SETBP1: variants seen among roughly 807,000 people sequenced by gnomAD.
SETBP1 encodes SET-binding protein.
In SETBP1, 9 loss-of-function variants were observed where a neutral mutation model predicts 101.0. That is an observed-to-expected ratio of 0.09 (90% CI 0.05 to 0.16). SETBP1 has a LOEUF of 0.16. Ranked by LOEUF, SETBP1 falls within the 10% of genes least tolerant of loss-of-function variation. SETBP1 has a pLI of 1.00. For missense variants in SETBP1, 1,858 were observed against 2,033.8 expected (o/e 0.91, Z 1.66); for synonymous variants, 818 against 788.5 (o/e 1.04, Z -0.63).
At chr18:44,884,904 C>T (rs780867210) in intron 3 of SETBP1, among the ~76,000 whole-genome samples, 29 of 151,994 alleles carry the variant, frequency 1.9e-4, no homozygotes, top group Admixed American at 5.9e-4. Flanking sequence ...TTACATATGT[C>T]TGATTACTAC....
intron 3 of SETBP1, among the ~76,000 whole-genome samples, chr18:44,910,197 C>T (rs758023449): frequency 1.3e-5 from 2 of 152,100 alleles, no homozygotes; most frequent in African/African-American, 4.8e-5. Flanking sequence ...AAAAACATGC[C>T]GACTCCCTCC....
chr18:44,864,863 A>C (rs573199852), intron 2 of SETBP1, among the ~76,000 whole-genome samples: 1 of 151,898 alleles, frequency 6.6e-6, no homozygotes, highest in African/African-American at 2.4e-5. Context: ...AACCCTAGAC[A>C]CAACAAGGCT....
chr18:44,787,580 C>T (rs370313258), intron 2 of SETBP1, among the ~76,000 whole-genome samples: 2 of 151,918 alleles, frequency 1.3e-5, no homozygotes, highest in Admixed American at 6.5e-5. Context: ...GTTGGCCGGG[C>T]GCGGTGGCTC....
rs140929221 is a variant in SETBP1, at chr18:44,751,749, G to A, written c.486+49917G>A. Among the ~76,000 whole-genome samples, 27 of 152,294 alleles carry A rather than the reference G, an allele frequency of 1.8e-4. No individual in the cohort carries two copies. The South Asian group carries it at 3.9e-3, about 22-fold the overall frequency. On this transcript the variant is annotated intron_variant, in intron 2 of 5. Transcript: ENST00000649279. ...CAATACATTTGGAAACCAGGCAGGC[G>A]TATTAGTCTTCTCAGGCTGCTATAA...
At chr18:44,998,008 A>T (rs1165481295) in intron 4 of SETBP1, among the ~76,000 whole-genome samples, 1 of 152,214 alleles carries the variant, frequency 6.6e-6, no homozygotes, top group Non-Finnish European at 1.5e-5. Flanking sequence ...CACATATTGT[A>T]ACTTGGATCA....
chr18:44,717,927 TGTGTGC>T (rs1235660712), intron 2 of SETBP1, among the ~76,000 whole-genome samples: 1 of 152,162 alleles, frequency 6.6e-6, no homozygotes, highest in Non-Finnish European at 1.5e-5. Context: ...TGTGTGTGTG[TGTGTGC>T]TTGTGTGTGC....
intron 2 of SETBP1, among the ~76,000 whole-genome samples, chr18:44,785,657 T>C (rs1037005836): frequency 6.6e-6 from 1 of 152,226 alleles, no homozygotes; most frequent in African/African-American, 2.4e-5. Context: ...TAATCTGTCA[T>C]TTTAAGACCA....
At chr18:44,812,227 C>G (rs1280845944) in intron 2 of SETBP1, among the ~76,000 whole-genome samples, 1 of 152,100 alleles carries the variant, frequency 6.6e-6, no homozygotes, top group Non-Finnish European at 1.5e-5. Flanking sequence ...TGTCCCCCAC[C>G]GCCACATACA....
intron 3 of SETBP1, among the ~76,000 whole-genome samples, chr18:44,906,147 C>T (rs1245284907): frequency 1.3e-5 from 2 of 152,210 alleles, no homozygotes; most frequent in Non-Finnish European, 2.9e-5. Context: ...CAAGTAAAGA[C>T]TCCAGGGGAC....
Position 44,952,921 on chromosome 18 carries a change from A to G in SETBP1, c.3581A>G (p.Asp1194Gly). Reference protein sequence around the residue: ...HILSERLSSADKELPLVSEKN... With the variant: ...HILSERLSSAGKELPLVSEKN... ...CTGAGCGAGCGGCTGAGTAGCGCAGACAAAGAGCTCCCGCTGGTGAGTGAG... is the reference window on the plus strand; with the variant it reads ...CTGAGCGAGCGGCTGAGTAGCGCAGGCAAAGAGCTCCCGCTGGTGAGTGAG... Residue 1194 changes from aspartate (D) to glycine (G), a missense_variant, in exon 4 of 6, where the codon GAC (aspartate) becomes GGC (glycine). Physicochemically the swap from Asp to Gly is moderately conservative, Grantham distance 94. Transcript: ENST00000649279. The G allele has an allele frequency of 6.2e-7, 1 of 1,614,210 alleles. No individual in the cohort carries two copies. Among genetic ancestry groups the G allele is most frequent in the Non-Finnish European group, 8.5e-7 (1 of 1,180,028 alleles).
chr18:45,035,822 C>A (rs1417086472), intron 4 of SETBP1, among the ~76,000 whole-genome samples: 2 of 152,176 alleles, frequency 1.3e-5, no homozygotes, highest in Admixed American at 1.3e-4. Context: ...GGTGGGAATG[C>A]CATGGTGGTG....
At chr18:44,876,891 ATT>A in intron 3 of SETBP1, 1 of 1,388,670 alleles carries the variant, frequency 7.2e-7, no homozygotes, top group Non-Finnish European at 9.3e-7. Flanking sequence ...CTAGCTAGAC[ATT>A]CTCTCTGGGT....
At chr18:44,928,942 C>A (rs2070763513) in intron 3 of SETBP1, among the ~76,000 whole-genome samples, 1 of 152,118 alleles carries the variant, frequency 6.6e-6, no homozygotes, top group African/African-American at 2.4e-5. Context: ...TAATTAGATC[C>A]CATTTGTCAA....
chr18:44,680,479 G>A (rs1053660035), upstream of SETBP1: 9 of 152,058 alleles, frequency 5.9e-5, no homozygotes, highest in African/African-American at 9.7e-5. Context: ...CCCGGAACCG[G>A]GGGCGACGTG....
intron 5 of SETBP1, among the ~76,000 whole-genome samples, chr18:45,042,978 T>C (rs2073539092): frequency 6.6e-6 from 1 of 152,174 alleles, no homozygotes; most frequent in African/African-American, 2.4e-5. Context: ...TTGTGAGTAA[T>C]TAGGGCTAAT....
At chr18:44,974,159 G>A (rs1272948155) in intron 4 of SETBP1, among the ~76,000 whole-genome samples, 1 of 152,150 alleles carries the variant, frequency 6.6e-6, no homozygotes, top group Admixed American at 6.5e-5. Flanking sequence ...GTTTCCAAAT[G>A]TTTCCACTCA....
intron 3 of SETBP1, among the ~76,000 whole-genome samples, chr18:44,929,055 T>C (rs1222088570): frequency 6.6e-6 from 1 of 152,248 alleles, no homozygotes; most frequent in Non-Finnish European, 1.5e-5. Context: ...AGGGTTTTTA[T>C]GGCTTTAGGT....
rs563161187 is a variant in SETBP1 at position 44,908,086 on chromosome 18, A to T, written c.540+38803A>T. On this transcript the variant is annotated intron_variant, in intron 3 of 5. Transcript: ENST00000649279. ...ATTTTTTATTTTTTTTTTGAGACAG[A>T]GTCTTGCTCTGACACCTGGGCTGGA... Among the ~76,000 whole-genome samples, 5 of 150,816 alleles carry T rather than the reference A, an allele frequency of 3.3e-5. No individual in the cohort carries two copies. In the South Asian group the frequency reaches 1.0e-3, roughly 32 times the overall value.
At chr18:44,801,303 CAG>C (rs1185350427) in intron 2 of SETBP1, among the ~76,000 whole-genome samples, 2 of 151,840 alleles carry the variant, frequency 1.3e-5, no homozygotes, top group African/African-American at 4.8e-5. Flanking sequence ...TAAGTAGGGG[CAG>C]GACAAGATCA....
Sources: allele counts gnomAD v4.1 joint callset (sites outside exome capture counted in the v4.1 genomes callset), GRCh38; gene constraint gnomAD v4.1.1; transcripts MANE v1.5; gene names NCBI Gene and HGNC (gene_info 2026-07-23, HGNC 2026-07-21).